Variants in FOXN3 observed in about 807,000 individuals in gnomAD.
FOXN3 encodes forkhead box N3.
In FOXN3, 7 loss-of-function variants were observed where a neutral mutation model predicts 38.4. The observed-to-expected ratio is 0.18, with a 90% CI of 0.10 to 0.34. The LOEUF (loss-of-function observed/expected upper bound fraction) is 0.34. Among genes scored for constraint, FOXN3 ranks in the 10% least tolerant of loss-of-function variants. The pLI, the probability that FOXN3 is intolerant of heterozygous loss-of-function variation, is 1.00. For missense variants in FOXN3, 456 were observed against 613.4 expected, an observed-to-expected ratio of 0.74 and a Z score of 2.71; for synonymous variants, 230 against 242.2, an observed-to-expected ratio of 0.95 and a Z score of 0.47.
chr14:89,378,662 G>T (rs1228940540), intron 2 of FOXN3, among the ~76,000 whole-genome samples: 3 of 151,496 alleles, frequency 2.0e-5, no homozygotes, highest in African/African-American at 7.3e-5. Flanking sequence ...AGGAAGAAAG[G>T]AGAAAGGCAG....
rs755305008 is a variant in FOXN3, at chr14:89,213,880, G to T, written c.746-33074C>A. Among the ~76,000 whole-genome samples, 4 of 152,130 alleles carry T rather than the reference G, an allele frequency of 2.6e-5. No homozygotes were observed. In the East Asian group the frequency reaches 5.8e-4, roughly 22 times the overall value. On this transcript the variant is annotated intron_variant, in intron 4 of 5. Transcript: ENST00000557258. ...ATACCTAATAATTTATTAAGCTATT[G>T]TTTCTTCTAAATTTTATACTCACTG...
intron 1 of FOXN3, among the ~76,000 whole-genome samples, chr14:89,482,711 G>T (rs576492976): frequency 6.8e-6 from 1 of 147,770 alleles, no homozygotes; most frequent in Non-Finnish European, 1.5e-5. Context: ...GAGTTCAAGA[G>T]CAGCCTGGCC....
rs1887090109 is a variant in FOXN3 at position 89,161,230 on chromosome 14, G to C, written c.*1184C>G. On this transcript the variant is annotated 3_prime_UTR_variant, in exon 6 of 6. Transcript: ENST00000557258. ...TGTGGAAATCACTGATTTTTGCAAA[G>C]ATAAATCCTGATATTAATTGCAAAC... The C allele has an allele frequency of 6.6e-6, 1 of 152,226 alleles. No individual in the cohort carries two copies. Among genetic ancestry groups the C allele is most frequent in the South Asian group, 2.1e-4 (1 of 4,828 alleles). 9.4% of individuals were successfully genotyped at this position (152,226 alleles called of 1,614,324 possible).
chr14:89,460,976 C>T (rs1297412186), intron 1 of FOXN3, among the ~76,000 whole-genome samples: 1 of 146,026 alleles, frequency 6.8e-6, no homozygotes, highest in Non-Finnish European at 1.5e-5. Flanking sequence ...TGCAGTGAGC[C>T]GAGATCACGT....
intron 1 of FOXN3, among the ~76,000 whole-genome samples, chr14:89,546,446 C>CA (rs1894887335): frequency 6.9e-6 from 1 of 144,096 alleles, no homozygotes; most frequent in African/African-American, 2.6e-5. Flanking sequence ...TCTCCTGCCT[C>CA]AGCCTCCCAA....
At chr14:89,481,267 C>T (rs906085374) in intron 1 of FOXN3, among the ~76,000 whole-genome samples, 5 of 152,112 alleles carry the variant, frequency 3.3e-5, no homozygotes, top group African/African-American at 1.2e-4. Context: ...ATGTAAAATG[C>T]AGCGCCCAGT....
intron 1 of FOXN3, among the ~76,000 whole-genome samples, chr14:89,468,754 C>T (rs1226604957): frequency 6.6e-6 from 1 of 152,122 alleles, no homozygotes; most frequent in Non-Finnish European, 1.5e-5. Flanking sequence ...TGAACCAGTC[C>T]CCTGGTGGTG....
intron 4 of FOXN3, among the ~76,000 whole-genome samples, chr14:89,229,739 T>C (rs944374112): frequency 1.3e-5 from 2 of 152,178 alleles, no homozygotes; most frequent in African/African-American, 4.8e-5. Flanking sequence ...TGCAGTAGGT[T>C]GTCCCTCTGG....
At chr14:89,340,137 T>C (rs1888576036) in intron 3 of FOXN3, among the ~76,000 whole-genome samples, 1 of 152,134 alleles carries the variant, frequency 6.6e-6, no homozygotes, top group African/African-American at 2.4e-5. Context: ...AAAAAGCTAC[T>C]AAAATTTGGT....
At chr14:89,396,832 C>CAAAA (rs11307508) in intron 2 of FOXN3, among the ~76,000 whole-genome samples, 1 of 96,938 alleles carries the variant, frequency 1.0e-5, no homozygotes, top group Non-Finnish European at 2.0e-5. Context: ...AACTCCATCT[C>CAAAA]AAAAAAAAAA....
chr14:89,273,181 T>G (rs1160490840), intron 4 of FOXN3, among the ~76,000 whole-genome samples: 1 of 152,254 alleles, frequency 6.6e-6, no homozygotes, highest in Non-Finnish European at 1.5e-5. Context: ...AAAGCTCATC[T>G]ATGCCCATAA....
intron 1 of FOXN3, among the ~76,000 whole-genome samples, chr14:89,572,004 A>C (rs1038495619): frequency 2.0e-5 from 3 of 152,226 alleles, no homozygotes; most frequent in African/African-American, 7.2e-5. Context: ...GAGACTTGCT[A>C]AAGGTCACAC....
chr14:89,290,411 G>C (rs186760010), intron 3 of FOXN3: 37 of 367,478 alleles, frequency 1.0e-4, no homozygotes, highest in African/African-American at 4.3e-4. Flanking sequence ...CCATTACCTG[G>C]ATTTGAATGT....
At chr14:89,550,598 T>C (rs1894983955) in intron 1 of FOXN3, among the ~76,000 whole-genome samples, 2 of 152,172 alleles carry the variant, frequency 1.3e-5, no homozygotes, top group African/African-American at 2.4e-5. Flanking sequence ...GCACTACACC[T>C]GTGTGACTTG....
intron 1 of FOXN3, among the ~76,000 whole-genome samples, chr14:89,496,632 T>C (rs1201702287): frequency 6.6e-6 from 1 of 152,210 alleles, no homozygotes; most frequent in East Asian, 1.9e-4. Flanking sequence ...GCAATGTTTT[T>C]ATTGTGGTAA....
intron 1 of FOXN3, among the ~76,000 whole-genome samples, chr14:89,546,322 C>CCTTTTT (rs1491458895): frequency 1.6e-5 from 1 of 61,092 alleles, no homozygotes. Context: ...TTTCTTTTTT[C>CCTTTTT]CTTTTTCTTT....
At chr14:89,415,131 G>A (rs1198084391) in intron 1 of FOXN3, among the ~76,000 whole-genome samples, 1 of 152,068 alleles carries the variant, frequency 6.6e-6, no homozygotes, top group East Asian at 1.9e-4. Context: ...ATTTTCTGAT[G>A]ACCAGCATAT....
intron 1 of FOXN3, among the ~76,000 whole-genome samples, chr14:89,479,247 T>G (rs1481525219): frequency 6.6e-6 from 1 of 152,204 alleles, no homozygotes; most frequent in African/African-American, 2.4e-5. Context: ...AGGCCAGTCC[T>G]CTTTCCTGGA....
At chr14:89,366,710 T>G (rs959515810) in intron 2 of FOXN3, among the ~76,000 whole-genome samples, 6 of 152,334 alleles carry the variant, frequency 3.9e-5, no homozygotes, top group Admixed American at 6.5e-5. Context: ...AGGCTGCAAC[T>G]GGGCGCGCAC....
Sources: gnomAD v4.1 joint callset for allele counts (sites outside exome capture counted in the v4.1 genomes callset) on GRCh38, gnomAD v4.1.1 for gene constraint, MANE v1.5 for transcripts, NCBI Gene and HGNC (gene_info 2026-07-23, HGNC 2026-07-21) for gene names.